The following GON4L variants were observed in gnomAD, a reference collection of about 807,000 sequenced individuals.
GON4L encodes GON-4-like protein.
In GON4L, 87 loss-of-function variants were observed where a neutral mutation model predicts 211.8. The ratio of observed to expected loss-of-function variants is 0.41; its 90% CI spans 0.35 to 0.49. The LOEUF is 0.49. GON4L is among the 20% of genes least tolerant of loss of function. The pLI is 0.15. For missense variants in GON4L, 2,155 were observed against 2,659.5 expected (o/e 0.81, Z 4.17); for synonymous variants, 875 against 962.6 (o/e 0.91, Z 1.68).
At chr1:155,816,109 T>G (rs1668216481) in intron 7 of GON4L, 103 bp downstream of exon 7, 6 of 719,726 alleles carry the variant, frequency 8.3e-6, no homozygotes, top group Non-Finnish European at 1.5e-5. Context: ...AAGCTGGAAT[T>G]AAAACAAAGA....
At chr1:155,746,973 T>A, downstream of GON4L, 1 of 1,599,004 alleles carries the variant, frequency 6.3e-7, no homozygotes, top group Non-Finnish European at 8.5e-7. Context: ...TGTCTTAGAA[T>A]GATATTTTGG....
chr1:155,811,754 CAAAAAAAA>C (rs145360103), intron 10 of GON4L, among the ~76,000 whole-genome samples: 85 of 33,060 alleles, frequency 2.6e-3, no homozygotes, highest in African/African-American at 4.4e-3. Flanking sequence ...GACTCTGTCT[CAAAAAAAA>C]AAAAAAAAAA....
intron 2 of GON4L, among the ~76,000 whole-genome samples, chr1:155,837,441 C>T (rs1300091230): frequency 1.3e-5 from 2 of 152,180 alleles, no homozygotes; most frequent in Admixed American, 1.3e-4. Context: ...TTCCTAGCTT[C>T]CTTTCCCTTT....
At chr1:155,771,310 T>A (rs1005735772) in intron 18 of GON4L, 93 bp from the exon 19 acceptor site, 26 of 1,560,860 alleles carry the variant, frequency 1.7e-5, no homozygotes, top group Admixed American at 1.2e-4. Flanking sequence ...TACTCTTTCA[T>A]TTTTTTCTTG....
downstream of GON4L, chr1:155,748,630 C>A (rs1378370200): frequency 6.2e-7 from 1 of 1,613,208 alleles, no homozygotes; most frequent in Admixed American, 1.7e-5. Flanking sequence ...GCAATCATCC[C>A]TTTCCCCTTG....
intron 29 of GON4L, 44 bp from the exon 30 acceptor site, chr1:155,752,634 A>T: frequency 6.4e-7 from 1 of 1,555,686 alleles, no homozygotes; most frequent in Non-Finnish European, 8.7e-7. Context: ...CAGGTTCAAG[A>T]TGCACCTAAG....
At chr1:155,760,209 G>A (rs2101682338) in intron 24 of GON4L, among the ~76,000 whole-genome samples, 1 of 152,048 alleles carries the variant, frequency 6.6e-6, no homozygotes, top group East Asian at 1.9e-4. Context: ...CTCACCTAAG[G>A]TGTCCTTTGG....
At chr1:155,818,125 TTC>T (rs1668415504) in intron 6 of GON4L, among the ~76,000 whole-genome samples, 2 of 151,920 alleles carry the variant, frequency 1.3e-5, no homozygotes, top group Admixed American at 6.6e-5. Context: ...GTTAATTATA[TTC>T]TTTTTTTTTT....
chr1:155,766,549 T>G lies in GON4L; in HGVS notation c.2924A>C (p.Lys975Thr), dbSNP rs1163190612. 1 of 1,614,130 alleles carries G rather than the reference T, an allele frequency of 6.2e-7. No homozygotes were observed. The highest frequency in any genetic ancestry group is 8.5e-7 in the Non-Finnish European group (1 of 1,180,024). The change falls in exon 21 of 32, where the codon AAG (lysine) becomes ACG (threonine). Residue 975 changes from lysine to threonine, a missense_variant. By Grantham distance (78) the Lys-to-Thr change is moderately conservative. Transcript: ENST00000368331. Reference sequence around the variant, plus strand: ...TGGCTTCAGTTTCAGGACTACACCCTTAGGCAATAGCAGTGGGTACCGAGA... The same window carrying G: ...TGGCTTCAGTTTCAGGACTACACCCGTAGGCAATAGCAGTGGGTACCGAGA... The part of the protein sequence containing the change: ...SESRYPLLLP[K>T]GVVLKLKPVA...
chr1:155,771,513 C>G (rs1485982844), intron 18 of GON4L, among the ~76,000 whole-genome samples: 1 of 151,906 alleles, frequency 6.6e-6, no homozygotes, highest in African/African-American at 2.4e-5. Context: ...GCTCTGTTGC[C>G]CGGGTTGGAG....
chr1:155,766,673 T>C lies in GON4L; in HGVS notation c.2800A>G (p.Met934Val), dbSNP rs746761933. ...CCTACCTCTCTAGCACCATCAGCCA[T>C]GTGCCGCAGTTCTTCCTGGATGGAT... ...LPSIQEELRH[M>V]ADGAREVGNM... Residue 934 changes from methionine to valine, a missense_variant, in exon 21 of 32, where the codon ATG becomes GTG. Met to Val is a conservative substitution (Grantham distance 21, BLOSUM62 1). This residue lies in a region of GON4L where 551 missense variants were observed against 854.0 expected (regional missense o/e 0.65). Transcript: ENST00000368331. 8 of 1,614,192 alleles carry C rather than the reference T, an allele frequency of 5.0e-6. No homozygotes were observed. The Admixed American group carries it at 1.0e-4, about 20-fold the overall frequency.
chr1:155,836,249 G>GT (rs140291845), intron 2 of GON4L, among the ~76,000 whole-genome samples: 12 of 98,876 alleles, frequency 1.2e-4, no homozygotes, highest in Admixed American at 2.1e-4. Flanking sequence ...TTTTGTTTTC[G>GT]TTTTTTTTTT....
chr1:155,756,093 AC>A (rs1168071148), intron 27 of GON4L, among the ~76,000 whole-genome samples: 1 of 152,164 alleles, frequency 6.6e-6, no homozygotes, highest in Non-Finnish European at 1.5e-5. Flanking sequence ...TGAGACCCTG[AC>A]AACAGCCTCT....
At chr1:155,829,959 T>G (rs1269264602) in intron 2 of GON4L, among the ~76,000 whole-genome samples, 2 of 151,752 alleles carry the variant, frequency 1.3e-5, no homozygotes, top group Non-Finnish European at 2.9e-5. Flanking sequence ...TTTTTTGTTT[T>G]TTTTTTTTCC....
chr1:155,771,087 C>T lies in GON4L; in HGVS notation c.2626G>A (p.Ala876Thr), dbSNP rs1663148570. Reference protein sequence around the residue: ...VRIKNLNMNRAPDNIIKFYKK... With the variant: ...VRIKNLNMNRTPDNIIKFYKK... ...CTCACTTTAATGATGTTGTCAGGAG[C>T]TCTGTTCATGTTGAGGTTCTTGATT... Residue 876 changes from alanine to threonine, a missense_variant, in exon 19 of 32, where the codon GCT becomes ACT. Physicochemically the swap from Ala to Thr is moderately conservative, Grantham distance 58. This residue lies in a region of GON4L where 551 missense variants were observed against 854.0 expected (regional missense o/e 0.65). Coordinates refer to ENST00000368331, the MANE Select transcript of GON4L (RefSeq NM_001282860.2). 1.2e-6 allele frequency: 2 copies of T among 1,614,020 alleles called. No homozygotes were observed. The highest frequency in any genetic ancestry group is 1.7e-5 in the Admixed American group (1 of 59,984).
At chr1:155,747,918 A>G (rs754411808), downstream of GON4L, 1 of 1,559,402 alleles carries the variant, frequency 6.4e-7, no homozygotes, top group Non-Finnish European at 8.7e-7. Context: ...TTGGAGGAGT[A>G]AACATTCGAA....
At chr1:155,792,716 T>C (rs920639047) in intron 12 of GON4L, among the ~76,000 whole-genome samples, 3 of 152,214 alleles carry the variant, frequency 2.0e-5, no homozygotes, top group African/African-American at 7.2e-5. Context: ...TTTAAGCAGA[T>C]GTTTCTTTAC....
chr1:155,766,663 C>G lies in GON4L; in HGVS notation c.2810G>C (p.Gly937Ala), dbSNP rs140309497. 1.9e-6 allele frequency: 3 copies of G among 1,614,176 alleles called. No homozygotes were observed. The highest frequency in any genetic ancestry group is 2.5e-6 in the Non-Finnish European group (3 of 1,180,038). Residue 937 changes from glycine to alanine, a missense_variant, in exon 21 of 32, where the codon GGT becomes GCT. Physicochemically the swap from Gly to Ala is moderately conservative, Grantham distance 60. Coordinates refer to ENST00000368331, the MANE Select transcript of GON4L (RefSeq NM_001282860.2). ...AGTCATATTTCCTACCTCTCTAGCACCATCAGCCATGTGCCGCAGTTCTTC... is the reference window on the plus strand; with the variant it reads ...AGTCATATTTCCTACCTCTCTAGCAGCATCAGCCATGTGCCGCAGTTCTTC... ...IQEELRHMADGAREVGNMTGT... is the reference protein window; with the variant it reads ...IQEELRHMADAAREVGNMTGT...
chr1:155,839,578 G>A (rs1670599658), intron 2 of GON4L, among the ~76,000 whole-genome samples: 1 of 151,646 alleles, frequency 6.6e-6, no homozygotes, highest in South Asian at 2.1e-4. Context: ...TTGAACCCGG[G>A]AGGCGGAGGT....
Sources: allele counts gnomAD v4.1 joint callset (sites outside exome capture counted in the v4.1 genomes callset), GRCh38; gene constraint gnomAD v4.1.1; regional missense constraint gnomAD v4.1.1; transcripts MANE v1.5; gene names NCBI Gene and HGNC (gene_info 2026-07-23, HGNC 2026-07-21).